SEPTIN9: variants seen among roughly 807,000 people sequenced by gnomAD.
SEPTIN9 encodes the protein septin-9.
In SEPTIN9, 13 loss-of-function variants were observed where a neutral mutation model predicts 56.6. That is an observed-to-expected ratio of 0.23 (90% CI 0.15 to 0.37). SEPTIN9 has a LOEUF of 0.37. SEPTIN9 is among the 10% of genes least tolerant of loss of function. SEPTIN9 has a pLI of 1.00. For missense variants in SEPTIN9, 650 were observed against 823.1 expected (o/e 0.79, Z 2.57); for synonymous variants, 332 against 334.1 (o/e 0.99, Z 0.07).
intron 11 of SEPTIN9, 90 bp from the exon 12 acceptor site, chr17:77,498,433 A>C: frequency 1.0e-5 from 7 of 702,182 alleles, no homozygotes; most frequent in East Asian, 3.3e-5. Flanking sequence ...GGCGGGCCTG[A>C]GTCCGAGGCA....
rs2035857748 is a variant in SEPTIN9, at chr17:77,400,308, G to A, written c.77-1751G>A. 6.6e-6 allele frequency among the ~76,000 whole-genome samples: 1 copy of A among 152,182 alleles called. No individual in the cohort carries two copies. Among genetic ancestry groups the A allele is most frequent in the Non-Finnish European group, 1.5e-5 (1 of 68,038 alleles). The stretch of plus-strand genomic sequence containing the variant: ...AAGTGAACAGCTCTGGCCACGCCGG[G>A]CCCATATCCTCTAGGGCAGTGACGG... On this transcript the variant is annotated intron_variant, in intron 2 of 11. Coordinates refer to ENST00000427177, the MANE Select transcript of SEPTIN9 (RefSeq NM_001113491.2). This position sits in a 1 kb window ranked among gnomAD's most constrained non-coding sequence, Gnocchi z 4.1.
At chr17:77,493,458 G>C (rs1370562363) in intron 10 of SEPTIN9, among the ~76,000 whole-genome samples, 1 of 152,138 alleles carries the variant, frequency 6.6e-6, no homozygotes, top group Admixed American at 6.5e-5. Context: ...ATGGACCCTC[G>C]GCCCCTTACC....
At chr17:77,361,720 C>T (rs2143854081) in intron 2 of SEPTIN9, among the ~76,000 whole-genome samples, 1 of 152,192 alleles carries the variant, frequency 6.6e-6, no homozygotes, top group East Asian at 1.9e-4. Context: ...GCAAGCTCCG[C>T]CTCCCAGGTT....
chr17:77,390,417 T>G (rs2035495747), intron 2 of SEPTIN9, among the ~76,000 whole-genome samples: 2 of 138,752 alleles, frequency 1.4e-5, no homozygotes, highest in African/African-American at 5.5e-5. Flanking sequence ...CCCTTCATGT[T>G]TCAGAGGTAA....
intron 11 of SEPTIN9, 154 bp downstream of exon 11, chr17:77,497,520 A>G: frequency 1.4e-6 from 1 of 698,220 alleles, no homozygotes; most frequent in Non-Finnish European, 2.5e-6. Context: ...TTGGAAGCCC[A>G]TCTTCTGAAA....
chr17:77,414,068 A>G (rs2036403912), intron 3 of SEPTIN9, among the ~76,000 whole-genome samples: 1 of 149,224 alleles, frequency 6.7e-6, no homozygotes, highest in African/African-American at 2.5e-5. Context: ...TATACAATCC[A>G]CCAATTTATT....
In SEPTIN9 at chr17:77,456,148, G is replaced by T. The variant is rs1028883980; in HGVS notation, c.722-25996G>T. The stretch of plus-strand genomic sequence containing the variant: ...AAGACTAATGATGGGCTGGACAGTG[G>T]CCCCATTGAGTGGGAGGGAGAATCG... On this transcript the variant is annotated intron_variant, in intron 3 of 11. Transcript: ENST00000427177. The surrounding 1 kb of genome is among the most constrained non-coding windows in gnomAD (Gnocchi z 6.0). 8.1e-6 allele frequency among the ~76,000 whole-genome samples: 1 copy of T among 123,250 alleles called. No individual in the cohort carries two copies. Among genetic ancestry groups the T allele is most frequent in the African/African-American group, 3.0e-5 (1 of 32,834 alleles). The allele number at this position is 123,250 out of a possible 152,430, so 80.9% of individuals were successfully genotyped here. A position where few individuals can be genotyped will look rare whatever the true frequency, so the allele number is the denominator to read the frequency against.
intron 3 of SEPTIN9, among the ~76,000 whole-genome samples, chr17:77,417,663 GT>G (rs2036551330): frequency 6.6e-6 from 1 of 152,232 alleles, no homozygotes; most frequent in African/African-American, 2.4e-5. Context: ...ACAAGGGCCG[GT>G]AAGTGGAAGT....
chr17:77,471,252 G>T (rs1402241899), intron 3 of SEPTIN9, among the ~76,000 whole-genome samples: 1 of 152,170 alleles, frequency 6.6e-6, no homozygotes, highest in Non-Finnish European at 1.5e-5. Context: ...CATGGCCCAG[G>T]AATGTGCCCC....
In SEPTIN9 at chr17:77,370,987, G is replaced by A. The variant is rs182123053; in HGVS notation, c.77-31072G>A. Among the ~76,000 whole-genome samples, 9 of 152,332 alleles carry A rather than the reference G, an allele frequency of 5.9e-5. No individual in the cohort carries two copies. The East Asian group carries it at 1.5e-3, about 26-fold the overall frequency. ...GGAAAAGGTAATTATGACTTGAAGG[G>A]TGGTGCCCAGCTGTTTCCCATCTCC... On this transcript the variant is annotated intron_variant, in intron 2 of 11. Coordinates refer to ENST00000427177, the MANE Select transcript of SEPTIN9 (RefSeq NM_001113491.2).
intron 2 of SEPTIN9, among the ~76,000 whole-genome samples, chr17:77,351,274 T>C (rs1452301958): frequency 1.4e-5 from 2 of 138,686 alleles, no homozygotes; most frequent in African/African-American, 2.8e-5. Flanking sequence ...CACACACGAG[T>C]CAGGGGCGAG....
intron 1 of SEPTIN9, among the ~76,000 whole-genome samples, chr17:77,305,333 C>A (rs115616499): frequency 6.6e-6 from 1 of 152,052 alleles, no homozygotes; most frequent in Non-Finnish European, 1.5e-5. Flanking sequence ...TGAAATGGGG[C>A]GGGAGCACCT....
chr17:77,397,893 CGCCTGCCTTGG>C (rs1265996901), intron 2 of SEPTIN9, among the ~76,000 whole-genome samples: 15 of 152,034 alleles, frequency 9.9e-5, no homozygotes, highest in Admixed American at 2.0e-4. Context: ...TCAGGTGATC[CGCCTGCCTTGG>C]GCCTGCCTTG....
chr17:77,308,948 C>A (rs949689538), intron 2 of SEPTIN9, among the ~76,000 whole-genome samples: 2 of 152,254 alleles, frequency 1.3e-5, no homozygotes, highest in Non-Finnish European at 2.9e-5. Flanking sequence ...GGCCCCTGGG[C>A]AGCTGCATGA....
rs925693210 is a variant in SEPTIN9, at chr17:77,436,283, G to A, written c.721+33580G>A. On this transcript the variant is annotated intron_variant, in intron 3 of 11. Transcript: ENST00000427177. This position sits in a 1 kb window ranked among gnomAD's most constrained non-coding sequence, Gnocchi z 4.4. ...AGGAAGGGGTGGGCGGGGACACAGC[G>A]CTGTTCGGCACAGTCCCCTCTGAGC... is the stretch of plus-strand genomic sequence containing the variant. Among the ~76,000 whole-genome samples the A allele has an allele frequency of 1.3e-5, 2 of 152,200 alleles. No homozygotes were observed. Among genetic ancestry groups the A allele is most frequent in the Non-Finnish European group, 2.9e-5 (2 of 68,032 alleles).
chr17:77,284,882 C>T (rs1217996712), intron 1 of SEPTIN9, among the ~76,000 whole-genome samples: 1 of 152,196 alleles, frequency 6.6e-6, no homozygotes, highest in Admixed American at 6.5e-5. Flanking sequence ...CCTGCCTTGG[C>T]CTCCCAAAGT....
Position 77,482,589 on chromosome 17 carries a change from G to T in SEPTIN9, c.913+254G>T, listed in dbSNP as rs147483677. Reference sequence around the variant, plus strand: ...GAGATGACTTTGGGGAGCCCAGGCCGGCCTGGAGCAGGTCCTGATGAGTGG... The same window carrying T: ...GAGATGACTTTGGGGAGCCCAGGCCTGCCTGGAGCAGGTCCTGATGAGTGG... On this transcript the variant is annotated intron_variant, in intron 4 of 11. Coordinates refer to ENST00000427177, the MANE Select transcript of SEPTIN9 (RefSeq NM_001113491.2). The T allele has an allele frequency of 1.3e-5, 9 of 677,796 alleles. No homozygotes were observed. The East Asian group carries it at 2.2e-4, about 16-fold the overall frequency. 42.0% of individuals were successfully genotyped at this position (677,796 alleles called of 1,614,324 possible).
At chr17:77,422,274 C>G (rs2036732568) in intron 3 of SEPTIN9, among the ~76,000 whole-genome samples, 1 of 152,204 alleles carries the variant, frequency 6.6e-6, no homozygotes, top group African/African-American at 2.4e-5. Flanking sequence ...GTGGTCAGGC[C>G]TCTCGTGACA....
chr17:77,462,618 T>G (rs2038528847), intron 3 of SEPTIN9, among the ~76,000 whole-genome samples: 1 of 151,600 alleles, frequency 6.6e-6, no homozygotes, highest in South Asian at 2.1e-4. Context: ...TTTGCTTGTT[T>G]TTTAAATTTG....
Sources: allele counts gnomAD v4.1 joint callset (sites outside exome capture counted in the v4.1 genomes callset), GRCh38; gene constraint gnomAD v4.1.1; non-coding constraint Gnocchi (gnomAD v3.1); transcripts MANE v1.5; gene names NCBI Gene and HGNC (gene_info 2026-07-23, HGNC 2026-07-21).